Variants in PDE10A observed in about 807,000 individuals in gnomAD.
PDE10A encodes the protein phosphodiesterase 10A.
PDE10A carries 39 observed loss-of-function variants against 97.7 expected under a neutral mutation model. That is an observed-to-expected ratio of 0.40 (90% CI 0.31 to 0.52). The LOEUF is 0.52. Ranked by LOEUF, PDE10A falls within the 20% of genes least tolerant of loss-of-function variation. The pLI is 0.56. For synonymous variants in PDE10A, 371 were observed against 376.8 expected, an observed-to-expected ratio of 0.98 and a Z score of 0.18; for missense variants, 731 against 1,047.8, an observed-to-expected ratio of 0.70 and a Z score of 4.17.
chr6:165,548,567 A>C (rs112687826), intron 1 of PDE10A, among the ~76,000 whole-genome samples: 6 of 152,236 alleles, frequency 3.9e-5, no homozygotes, highest in African/African-American at 1.2e-4. Context: ...ATTAGTCCTC[A>C]AGGCCTGAAG....
At chr6:165,712,975 T>G (rs1167941240) in intron 1 of PDE10A, among the ~76,000 whole-genome samples, 1 of 152,216 alleles carries the variant, frequency 6.6e-6, no homozygotes, top group African/African-American at 2.4e-5. Flanking sequence ...CTGTAGATTT[T>G]TATCTCCTCT....
chr6:165,506,111 T>C (rs1781176204), intron 2 of PDE10A, among the ~76,000 whole-genome samples: 2 of 152,122 alleles, frequency 1.3e-5, no homozygotes, highest in Non-Finnish European at 2.9e-5. Flanking sequence ...AACATAACTA[T>C]ATAAGTACTT....
intron 1 of PDE10A, among the ~76,000 whole-genome samples, chr6:165,738,935 C>T (rs1046696949): frequency 5.9e-5 from 9 of 152,162 alleles, no homozygotes; most frequent in East Asian, 3.9e-4. Context: ...TATTTAACCA[C>T]GGAGGTGAAA....
At chr6:165,820,015 A>T (rs1779525466) in intron 1 of PDE10A, among the ~76,000 whole-genome samples, 1 of 152,250 alleles carries the variant, frequency 6.6e-6, no homozygotes, top group South Asian at 2.1e-4. Flanking sequence ...TTTAAAAATG[A>T]AATATATTTG....
intron 18 of PDE10A, among the ~76,000 whole-genome samples, chr6:165,368,520 G>A (rs572430220): frequency 6.6e-5 from 10 of 151,914 alleles, no homozygotes; most frequent in Admixed American, 1.3e-4. Flanking sequence ...GTAAACTCAG[G>A]AACAACCACT....
chr6:165,839,901 A>G lies in PDE10A; in HGVS notation c.-615+147628T>C, dbSNP rs1401679755. 2.0e-3 allele frequency among the ~76,000 whole-genome samples: 304 copies of G among 151,304 alleles called. 4 individuals carry two copies. The highest frequency in any genetic ancestry group is 3.8e-3 in the Non-Finnish European group (257 of 67,826). ...CACCTCTGTCTCCATCCCCATTCCC[A>G]TCTCCAACTCCATCCCCAACCTCAT... On this transcript the variant is annotated intron_variant, in intron 1 of 19. Coordinates refer to the PDE10A transcript ENST00000366882.
At chr6:165,392,611 G>T (rs985826026) in intron 16 of PDE10A, 35 bp downstream of exon 16, 4 of 1,591,386 alleles carry the variant, frequency 2.5e-6, no homozygotes, top group Admixed American at 3.3e-5. Context: ...ATCCACTGAG[G>T]TTACGAGAAA....
intron 1 of PDE10A, among the ~76,000 whole-genome samples, chr6:165,888,057 T>G (rs1472364489): frequency 3.9e-5 from 6 of 152,124 alleles, no homozygotes; most frequent in Non-Finnish European, 7.3e-5. Flanking sequence ...CTCCTTAAGG[T>G]CTTTGCACTG....
chr6:165,966,361 C>T (rs970349641), intron 1 of PDE10A, among the ~76,000 whole-genome samples: 4 of 152,194 alleles, frequency 2.6e-5, no homozygotes, highest in Non-Finnish European at 5.9e-5. Flanking sequence ...ATTCACGTGA[C>T]CCCCTGCTCA....
intron 1 of PDE10A, among the ~76,000 whole-genome samples, chr6:165,884,767 AACC>A (rs1781582874): frequency 6.6e-6 from 1 of 152,018 alleles, no homozygotes; most frequent in African/African-American, 2.4e-5. Flanking sequence ...TTTTGATAAC[AACC>A]ACAATAATGG....
chr6:165,789,731 T>C (rs1778597247), intron 1 of PDE10A, among the ~76,000 whole-genome samples: 1 of 152,236 alleles, frequency 6.6e-6, no homozygotes. Flanking sequence ...TTTCAGTCAT[T>C]GAAAATGTTA....
intron 1 of PDE10A, among the ~76,000 whole-genome samples, chr6:165,787,284 A>C (rs1333107859): frequency 1.3e-5 from 2 of 152,198 alleles, no homozygotes; most frequent in African/African-American, 2.4e-5. Context: ...GTTAATGAAT[A>C]GTGAATGCTT....
intron 2 of PDE10A, among the ~76,000 whole-genome samples, chr6:165,493,318 A>G (rs1399262803): frequency 6.6e-6 from 1 of 152,180 alleles, no homozygotes; most frequent in African/African-American, 2.4e-5. Context: ...CATTCTTCAC[A>G]GAACTAGAAA....
At chr6:165,848,033 T>C (rs1780467637) in intron 1 of PDE10A, among the ~76,000 whole-genome samples, 1 of 152,194 alleles carries the variant, frequency 6.6e-6, no homozygotes, top group Non-Finnish European at 1.5e-5. Context: ...TGGCCTGCCA[T>C]ATATTGCCAC....
At chr6:165,415,709 G>A (rs1171849296) in intron 12 of PDE10A, among the ~76,000 whole-genome samples, 1 of 152,132 alleles carries the variant, frequency 6.6e-6, no homozygotes, top group Non-Finnish European at 1.5e-5. Flanking sequence ...TAAAGATGAG[G>A]AAACTGAGGC....
At chr6:165,974,423 G>A (rs1784788374) in intron 1 of PDE10A, among the ~76,000 whole-genome samples, 1 of 152,186 alleles carries the variant, frequency 6.6e-6, no homozygotes, top group South Asian at 2.1e-4. Context: ...GAGTTCTGGA[G>A]GAAAGAACCT....
chr6:165,545,108 G>C, intron 1 of PDE10A: 1 of 483,278 alleles, frequency 2.1e-6, no homozygotes, highest in Non-Finnish European at 4.0e-6. Context: ...GCTCTCTTTA[G>C]GTCCTCCATA....
At chr6:165,576,419 A>G (rs142490394) in intron 1 of PDE10A, 57 of 780,696 alleles carry the variant, frequency 7.3e-5, no homozygotes, top group Non-Finnish European at 1.1e-4. Flanking sequence ...CACCTGTTAA[A>G]TGTTGGGATT....
chr6:165,852,788 G>T (rs1428066823), intron 1 of PDE10A, among the ~76,000 whole-genome samples: 1 of 152,212 alleles, frequency 6.6e-6, no homozygotes, highest in Non-Finnish European at 1.5e-5. Flanking sequence ...CTGTGCACAT[G>T]AGCTGGTCCT....
Sources: gnomAD v4.1 joint callset for allele counts (sites outside exome capture counted in the v4.1 genomes callset) on GRCh38, gnomAD v4.1.1 for gene constraint, MANE v1.5 for transcripts, NCBI Gene and HGNC (gene_info 2026-07-23, HGNC 2026-07-21) for gene names.